TENM1: variants seen among roughly 807,000 people sequenced by gnomAD.
TENM1 encodes teneurin transmembrane protein 1.
TENM1 carries 35 observed loss-of-function variants against 174.8 expected under a neutral mutation model. That is an observed-to-expected ratio of 0.20 (90% confidence interval 0.15 to 0.27). The LOEUF is 0.27. Among genes scored for constraint, TENM1 ranks in the 10% least tolerant of loss-of-function variants. TENM1 has a pLI of 1.00. For missense variants in TENM1, 1,633 were observed against 2,130.1 expected (o/e 0.77, Z 4.59); for synonymous variants, 781 against 798.7 (o/e 0.98, Z 0.37).
At chrX:124,561,648 T>G in intron 14 of TENM1, 23 bp downstream of exon 17, 1 of 1,209,549 alleles carries the variant, frequency 8.3e-7, no homozygotes, top group Non-Finnish European at 1.1e-6. Flanking sequence ...CTTTCTTACG[T>G]GAACATTTTA....
At chrX:124,895,721 C>T (rs1215299157) in intron 2 of TENM1, among the ~76,000 whole-genome samples, 1 of 112,055 alleles carries the variant, frequency 8.9e-6, no homozygotes, top group African/African-American at 3.2e-5. Context: ...ATAAACAAAA[C>T]ATGCACGATA....
chrX:125,065,792 A>G, the TENM1 span, among the ~76,000 whole-genome samples: 1 of 112,480 alleles, frequency 8.9e-6, no homozygotes, highest in Non-Finnish European at 1.9e-5. Context: ...ATAGCTGCAT[A>G]TGGAGACTAA....
intron 3 of TENM1, among the ~76,000 whole-genome samples, chrX:124,856,504 T>C (rs1324491487): frequency 9.0e-6 from 1 of 111,405 alleles, no homozygotes; most frequent in Non-Finnish European, 1.9e-5. Flanking sequence ...GGAAAGTTAA[T>C]TCCCAAGAGA....
chrX:124,510,760 A>G (rs2047561684), intron 18 of TENM1, among the ~76,000 whole-genome samples: 1 of 111,672 alleles, frequency 9.0e-6, no homozygotes, highest in Non-Finnish European at 1.9e-5. Flanking sequence ...GTGACCCAGC[A>G]TCCACATGGG....
At chrX:125,099,476 T>A in the TENM1 span, among the ~76,000 whole-genome samples, 1 of 112,341 alleles carries the variant, frequency 8.9e-6, no homozygotes, top group East Asian at 2.8e-4. Flanking sequence ...ATCATAGTTA[T>A]CAGAGAATGG....
chrX:124,843,115 C>T (rs1178412037), intron 3 of TENM1, among the ~76,000 whole-genome samples: 3 of 111,094 alleles, frequency 2.7e-5, no homozygotes, highest in East Asian at 2.8e-4. Context: ...TTGCCTTGTC[C>T]GAGCTTGAAT....
At chrX:124,731,433 C>A (rs944894498) in intron 4 of TENM1, among the ~76,000 whole-genome samples, 5 of 111,865 alleles carry the variant, frequency 4.5e-5, no homozygotes, top group African/African-American at 1.6e-4. Context: ...AATTAAAATT[C>A]TATCCCAGAG....
chrX:125,117,920 A>G, the TENM1 span, among the ~76,000 whole-genome samples: 1 of 110,673 alleles, frequency 9.0e-6, no homozygotes, highest in South Asian at 3.8e-4. Context: ...ACCTGCACAC[A>G]TATGTTTATT....
At chrX:124,725,880 T>C (rs919724628) in intron 4 of TENM1, among the ~76,000 whole-genome samples, 3 of 112,572 alleles carry the variant, frequency 2.7e-5, no homozygotes, top group Non-Finnish European at 3.8e-5. Context: ...TAACTTGACA[T>C]GGTAATGGAA....
chrX:125,069,951 C>T, the TENM1 span, among the ~76,000 whole-genome samples: 2 of 109,999 alleles, frequency 1.8e-5, no homozygotes, highest in Non-Finnish European at 3.8e-5. Context: ...CCTGGTAGCC[C>T]ATGCCTATAC....
intron 3 of TENM1, among the ~76,000 whole-genome samples, chrX:124,865,508 C>T (rs2147455763): frequency 9.0e-6 from 1 of 111,539 alleles, no homozygotes; most frequent in Non-Finnish European, 1.9e-5. Flanking sequence ...AAACCAAAAA[C>T]ATACAATGAA....
intron 1 of TENM1, among the ~76,000 whole-genome samples, chrX:124,910,453 C>T (rs2057817701): frequency 8.9e-6 from 1 of 112,057 alleles, no homozygotes; most frequent in Non-Finnish European, 1.9e-5. Flanking sequence ...TAATGATATA[C>T]AGGATAGATG....
the TENM1 span, among the ~76,000 whole-genome samples, chrX:124,981,122 C>T: frequency 9.0e-6 from 1 of 111,367 alleles, no homozygotes. Flanking sequence ...ATTTATATGC[C>T]TGATACCCCG....
At chrX:124,651,252 CAA>C (rs1411852604) in intron 8 of TENM1, among the ~76,000 whole-genome samples, 4 of 111,421 alleles carry the variant, frequency 3.6e-5, no homozygotes, top group South Asian at 7.5e-4. Context: ...CCTAAAATGA[CAA>C]AAGAGTGAGA....
At chrX:124,873,654 C>CT (rs2057148026) in intron 3 of TENM1, among the ~76,000 whole-genome samples, 1 of 111,507 alleles carries the variant, frequency 9.0e-6, no homozygotes, top group Non-Finnish European at 1.9e-5. Flanking sequence ...AAATCCACTA[C>CT]TATCGACAAC....
At chrX:124,705,134 G>A in exon 5 of TENM1, 1 of 1,211,383 alleles carries the variant, frequency 8.3e-7, no homozygotes, top group Non-Finnish European at 1.1e-6. Flanking sequence ...GGGAAAAGGT[G>A]CTTCGAGGAA....
intron 22 of TENM1, among the ~76,000 whole-genome samples, chrX:124,471,258 TATA>T (rs1401451359): frequency 5.0e-5 from 3 of 60,223 alleles, no homozygotes; most frequent in African/African-American, 1.5e-4. Flanking sequence ...TAATATATAT[TATA>T]ATATATAGTA....
the TENM1 span, among the ~76,000 whole-genome samples, chrX:125,136,344 T>C: frequency 8.9e-6 from 1 of 111,768 alleles, no homozygotes; most frequent in Non-Finnish European, 1.9e-5. Flanking sequence ...TTGTTATTAA[T>C]AGTCTTGCAC....
chrX:124,692,759 C>A (rs920826208), intron 5 of TENM1, among the ~76,000 whole-genome samples: 12 of 109,445 alleles, frequency 1.1e-4, no homozygotes, highest in African/African-American at 4.0e-4. Context: ...GTAATCCCAG[C>A]ACTTTGGGAG....
Sources: gnomAD v4.1 joint callset for allele counts (sites outside exome capture counted in the v4.1 genomes callset) on GRCh38, gnomAD v4.1.1 for gene constraint, MANE v1.5 for transcripts, NCBI Gene and HGNC (gene_info 2026-07-23, HGNC 2026-07-21) for gene names.